Variants in KLHL1 observed in about 807,000 individuals in gnomAD.
KLHL1 encodes kelch-like protein 1.
In KLHL1, 47 loss-of-function variants were observed where a neutral mutation model predicts 77.7. The observed-to-expected ratio is 0.60, with a 90% CI of 0.48 to 0.77. The LOEUF is 0.77. Among genes scored for constraint, KLHL1 ranks in the 30% least tolerant of loss-of-function variants. The probability of loss-of-function intolerance (pLI) is 0.00; values close to 1 mark genes in which losing one functional copy is unlikely to be tolerated. For synonymous variants in KLHL1, 360 were observed against 325.2 expected, an observed-to-expected ratio of 1.11 and a Z score of -1.15; for missense variants, 925 against 910.8, an observed-to-expected ratio of 1.02 and a Z score of -0.20.
intron 1 of KLHL1, among the ~76,000 whole-genome samples, chr13:70,051,789 T>TG (rs1886635923): frequency 6.6e-6 from 1 of 152,060 alleles, no homozygotes; most frequent in African/African-American, 2.4e-5. Flanking sequence ...ATGGATTGTT[T>TG]ACCAATTTGT....
chr13:70,091,227 G>T, intron 1 of KLHL1, among the ~76,000 whole-genome samples: 1 of 152,080 alleles, frequency 6.6e-6, no homozygotes, highest in African/African-American at 2.4e-5. Flanking sequence ...TCACTCACAA[G>T]TTTGGATTGT....
intron 6 of KLHL1, among the ~76,000 whole-genome samples, chr13:69,797,465 A>G (rs554899879): frequency 6.6e-6 from 1 of 152,310 alleles, no homozygotes; most frequent in East Asian, 1.9e-4. Flanking sequence ...AGTCAATTGT[A>G]AGATATATAA....
chr13:69,984,268 G>A (rs1023685246), intron 1 of KLHL1, among the ~76,000 whole-genome samples: 6 of 152,150 alleles, frequency 3.9e-5, no homozygotes, highest in African/African-American at 1.2e-4. Flanking sequence ...TTTCTTTTCT[G>A]AAAAAAAGCA....
In KLHL1 at chr13:69,728,404, ATTGTTTGTTTGT is replaced by A. The variant is rs71815356; in HGVS notation, c.1803-8835_1803-8824del. Among the ~76,000 whole-genome samples, 230 of 150,522 alleles carry A rather than the reference ATTGTTTGTTTGT, an allele frequency of 1.5e-3. 1 individual carries two copies. Among genetic ancestry groups the A allele is most frequent in the African/African-American group, 5.3e-3 (218 of 40,876 alleles). Reference sequence around the variant, plus strand: ...CAGAAATTACAACTGCCTTGTAAAAATTGTTTGTTTGTTTGTTTGTTTGTTTGTTTGAGACAG... The same window carrying A: ...CAGAAATTACAACTGCCTTGTAAAAATTGTTTGTTTGTTTGTTTGAGACAG... On this transcript the variant is annotated intron_variant, in intron 8 of 10. Transcript: ENST00000377844.
chr13:69,745,414 A>G (rs1463336220), intron 7 of KLHL1, among the ~76,000 whole-genome samples: 2 of 151,982 alleles, frequency 1.3e-5, no homozygotes, highest in African/African-American at 2.4e-5. Flanking sequence ...CTTTGTTAAT[A>G]TTTGCATTAC....
At chr13:69,712,854 C>G (rs1380498438) in intron 9 of KLHL1, among the ~76,000 whole-genome samples, 2 of 150,668 alleles carry the variant, frequency 1.3e-5, no homozygotes, top group Non-Finnish European at 2.9e-5. Context: ...GCAATCTTGG[C>G]TCACCACGAC....
At chr13:70,097,984 T>C (rs1037325506) in intron 1 of KLHL1, among the ~76,000 whole-genome samples, 4 of 151,712 alleles carry the variant, frequency 2.6e-5, no homozygotes, top group Non-Finnish European at 5.9e-5. Context: ...GTCAGAATAA[T>C]GATGCTGTAT....
rs990224569 is a variant in KLHL1, at chr13:70,016,879, T to C, written c.498-41077A>G. 2.6e-5 allele frequency among the ~76,000 whole-genome samples: 4 copies of C among 152,206 alleles called. No individual in the cohort carries two copies. The South Asian group carries it at 6.2e-4, about 24-fold the overall frequency. On this transcript the variant is annotated intron_variant, in intron 1 of 10. Transcript: ENST00000377844. ...ATGGCCACCCATGGACAAATCAGCA[T>C]GTACTTCCTCCTTTCTGAGCCCATA...
At chr13:70,045,509 A>ACC (rs1886472335) in intron 1 of KLHL1, among the ~76,000 whole-genome samples, 2 of 152,090 alleles carry the variant, frequency 1.3e-5, no homozygotes, top group Non-Finnish European at 2.9e-5. Flanking sequence ...TATGAAACAA[A>ACC]AAAGTGGGGA....
In KLHL1 at chr13:69,784,693, T is replaced by G. The variant is rs1028514428; in HGVS notation, c.1639+12045A>C. Among the ~76,000 whole-genome samples the G allele has an allele frequency of 1.7e-4, 25 of 151,374 alleles. No individual in the cohort carries two copies. The South Asian group carries it at 2.9e-3, about 18-fold the overall frequency. On this transcript the variant is annotated intron_variant, in intron 7 of 10. Coordinates refer to ENST00000377844, the MANE Select transcript of KLHL1 (RefSeq NM_020866.3). ...CACCCAGATTCATAAAGCAAGTCCT[T>G]AGTGACCTACAAAGAGACTTAGACT...
chr13:69,995,448 C>T (rs911957875), intron 1 of KLHL1, among the ~76,000 whole-genome samples: 9 of 152,012 alleles, frequency 5.9e-5, no homozygotes, highest in African/African-American at 1.9e-4. Context: ...ATTGAGTCAT[C>T]ATGTATTATT....
At chr13:70,038,366 G>T (rs971611331) in intron 1 of KLHL1, among the ~76,000 whole-genome samples, 1 of 152,062 alleles carries the variant, frequency 6.6e-6, no homozygotes, top group African/African-American at 2.4e-5. Context: ...ATGAACAATG[G>T]TGCACAGGTT....
At chr13:69,838,176 T>A (rs936091353) in intron 6 of KLHL1, among the ~76,000 whole-genome samples, 1 of 151,744 alleles carries the variant, frequency 6.6e-6, no homozygotes, top group Non-Finnish European at 1.5e-5. Context: ...TTTTTTTTGT[T>A]CTGATTTATC....
intron 6 of KLHL1, among the ~76,000 whole-genome samples, chr13:69,829,632 T>C (rs1878682880): frequency 6.7e-6 from 1 of 149,954 alleles, no homozygotes; most frequent in African/African-American, 2.5e-5. Flanking sequence ...AGGTTGGTTA[T>C]TAAGCTACTC....
intron 1 of KLHL1, among the ~76,000 whole-genome samples, chr13:70,095,992 A>G (rs1887780393): frequency 6.6e-6 from 1 of 152,082 alleles, no homozygotes; most frequent in Admixed American, 6.6e-5. Flanking sequence ...AAGGCCATCC[A>G]GTTCCACCCA....
intron 4 of KLHL1, among the ~76,000 whole-genome samples, chr13:69,926,878 CAG>C (rs1882831696): frequency 7.7e-6 from 1 of 130,166 alleles, no homozygotes; most frequent in African/African-American, 2.9e-5. Context: ...ACCTGGGAGG[CAG>C]AGCTTGCAGT....
intron 3 of KLHL1, among the ~76,000 whole-genome samples, chr13:69,944,978 C>CTTTT (rs750774784): frequency 3.2e-3 from 254 of 79,772 alleles, no homozygotes; most frequent in Non-Finnish European, 3.6e-3. Context: ...TATAAAACTT[C>CTTTT]TTTTTTTTTT....
intron 5 of KLHL1, among the ~76,000 whole-genome samples, chr13:69,873,620 A>C (rs1314252295): frequency 6.6e-6 from 1 of 151,762 alleles, no homozygotes; most frequent in Non-Finnish European, 1.5e-5. Flanking sequence ...CTCACATTCC[A>C]GACAAATAAC....
intron 5 of KLHL1, among the ~76,000 whole-genome samples, chr13:69,882,024 A>AGATT (rs1483972348): frequency 1.3e-5 from 2 of 152,184 alleles, no homozygotes; most frequent in Non-Finnish European, 2.9e-5. Context: ...TTTTATAAAG[A>AGATT]GATTGAATAT....
Sources: gnomAD v4.1 joint callset for allele counts (sites outside exome capture counted in the v4.1 genomes callset) on GRCh38, gnomAD v4.1.1 for gene constraint, MANE v1.5 for transcripts, NCBI Gene and HGNC (gene_info 2026-07-23, HGNC 2026-07-21) for gene names.